The following SRGAP3 variants were observed in gnomAD, a reference collection of about 807,000 sequenced individuals.
SRGAP3 encodes SLIT-ROBO Rho GTPase activating protein 3.
A neutral mutation model predicts 121.1 loss-of-function variants in SRGAP3; 39 were observed. That is an observed-to-expected ratio of 0.32 (90% CI 0.25 to 0.42). The LOEUF (loss-of-function observed/expected upper bound fraction) is 0.42. Among genes scored for constraint, SRGAP3 ranks in the 10% least tolerant of loss-of-function variants. The pLI, the probability that SRGAP3 is intolerant of heterozygous loss-of-function variation, is 1.00. For missense variants in SRGAP3, 1,213 were observed against 1,470.6 expected (o/e 0.82, Z 2.86); for synonymous variants, 601 against 570.0 (o/e 1.05, Z -0.77).
intron 3 of SRGAP3, among the ~76,000 whole-genome samples, chr3:9,311,944 T>C (rs1428074533): frequency 6.6e-6 from 1 of 152,356 alleles, no homozygotes; most frequent in South Asian, 2.1e-4. Context: ...CTAAAGTAAT[T>C]TACATGAGTG....
chr3:9,314,888 T>C (rs2125279955), intron 3 of SRGAP3, among the ~76,000 whole-genome samples: 1 of 151,896 alleles, frequency 6.6e-6, no homozygotes, highest in East Asian at 2.0e-4. Flanking sequence ...AGACTTCAGC[T>C]TCATTCTCAG....
At chr3:8,994,322 A>C in intron 19 of SRGAP3, 21 bp downstream of exon 19, 1 of 1,613,688 alleles carries the variant, frequency 6.2e-7, no homozygotes, top group South Asian at 1.1e-5. Flanking sequence ...CATTCTTCAC[A>C]GAATTCTCGA....
At chr3:9,217,320 T>C (rs1952669664) in intron 1 of SRGAP3, 1 of 152,160 alleles carries the variant, frequency 6.6e-6, no homozygotes, top group South Asian at 2.1e-4. Flanking sequence ...CTGTGAGAAA[T>C]TTAACTACTT....
At chr3:9,095,383 C>T (rs1947927546) in intron 3 of SRGAP3, among the ~76,000 whole-genome samples, 2 of 152,078 alleles carry the variant, frequency 1.3e-5, no homozygotes, top group African/African-American at 4.8e-5. Flanking sequence ...TAAATGTAAT[C>T]TACATTGTCT....
chr3:9,111,527 G>A (rs1948622428), intron 2 of SRGAP3, among the ~76,000 whole-genome samples: 1 of 152,204 alleles, frequency 6.6e-6, no homozygotes, highest in Non-Finnish European at 1.5e-5. Flanking sequence ...TGAAGAGTGA[G>A]GCTGGAGGGG....
chr3:9,256,003 G>C (rs74388102), intron 3 of SRGAP3, among the ~76,000 whole-genome samples: 1 of 152,070 alleles, frequency 6.6e-6, no homozygotes, highest in Non-Finnish European at 1.5e-5. Flanking sequence ...ACCTGACCCT[G>C]CATCTGGTGT....
intron 2 of SRGAP3, among the ~76,000 whole-genome samples, chr3:9,119,384 T>C (rs1948921996): frequency 6.6e-6 from 1 of 152,158 alleles, no homozygotes; most frequent in Admixed American, 6.5e-5. Context: ...CTTTTAAACA[T>C]ATAAATCACA....
chr3:9,202,995 G>A (rs1952120945), intron 1 of SRGAP3, among the ~76,000 whole-genome samples: 1 of 152,214 alleles, frequency 6.6e-6, no homozygotes, highest in African/African-American at 2.4e-5. Context: ...CCTAGCTTCA[G>A]CAACCCTTGT....
At chr3:9,167,560 C>T (rs554117487) in intron 1 of SRGAP3, among the ~76,000 whole-genome samples, 10 of 152,304 alleles carry the variant, frequency 6.6e-5, no homozygotes, top group African/African-American at 1.9e-4. Context: ...CTGCTGTCAA[C>T]GCCTAGGGGG....
At chr3:9,234,851 G>C (rs945189879) in intron 1 of SRGAP3, among the ~76,000 whole-genome samples, 3 of 152,190 alleles carry the variant, frequency 2.0e-5, no homozygotes, top group Non-Finnish European at 2.9e-5. Context: ...AGGGTCTCCA[G>C]CTGCTGAAGA....
At chr3:9,102,400 G>C (rs900348532) in intron 3 of SRGAP3, among the ~76,000 whole-genome samples, 1 of 152,166 alleles carries the variant, frequency 6.6e-6, no homozygotes, top group Non-Finnish European at 1.5e-5. Flanking sequence ...TAATGACAAG[G>C]GGCCCAAAGC....
intron 14 of SRGAP3, 128 bp from the exon 15 acceptor site, chr3:9,015,859 CAT>C: frequency 2.0e-6 from 2 of 1,020,798 alleles, no homozygotes; most frequent in South Asian, 1.3e-5. Context: ...GTCTCCCCCA[CAT>C]ATGAGGCCCC....
intron 1 of SRGAP3, among the ~76,000 whole-genome samples, chr3:9,185,100 T>G (rs924029734): frequency 7.2e-5 from 11 of 152,104 alleles, no homozygotes; most frequent in African/African-American, 2.7e-4. Context: ...ATTATTAGAG[T>G]CTTCGGTCTT....
intron 18 of SRGAP3, among the ~76,000 whole-genome samples, chr3:8,995,347 G>A (rs1005688840): frequency 3.3e-5 from 5 of 152,108 alleles, no homozygotes; most frequent in East Asian, 1.9e-4. Flanking sequence ...GTGGTAGCAC[G>A]TGCCTGTGGT....
chr3:9,219,205 A>G (rs1952724831), intron 1 of SRGAP3: 1 of 152,090 alleles, frequency 6.6e-6, no homozygotes, highest in African/African-American at 2.4e-5. Flanking sequence ...GTATTGTTCT[A>G]AAGGAGAGAG....
rs373243630 is a variant in SRGAP3, at chr3:9,249,060, G to T, written c.-109C>A. On this transcript the variant is annotated 5_prime_UTR_variant, in exon 1 of 22. Transcript: ENST00000383836. ...CACACAGCTCTGGTCGATTTCACAG[G>T]TTTAGGGACTAATCTCTTTCACTTG... is the stretch of plus-strand genomic sequence containing the variant. 26 of 1,062,288 alleles carry T rather than the reference G, an allele frequency of 2.4e-5. No individual in the cohort carries two copies. In the Admixed American group the frequency reaches 2.9e-4, roughly 12 times the overall value. The allele number at this position is 1,062,288 out of a possible 1,614,324, so 65.8% of individuals were successfully genotyped here.
At chr3:9,292,932 A>G (rs1471160726) in intron 3 of SRGAP3, 1 of 152,072 alleles carries the variant, frequency 6.6e-6, no homozygotes, top group African/African-American at 2.4e-5. Flanking sequence ...TTGTCCCTTA[A>G]GAGTACAATG....
chr3:9,044,237 G>C (rs1403256855), intron 10 of SRGAP3, among the ~76,000 whole-genome samples: 1 of 152,182 alleles, frequency 6.6e-6, no homozygotes, highest in African/African-American at 2.4e-5. Flanking sequence ...CTTATCTGTG[G>C]GGAATATGTT....
chr3:9,299,051 C>CAAAAAAAAA (rs71049787), intron 3 of SRGAP3, among the ~76,000 whole-genome samples: 2 of 70,390 alleles, frequency 2.8e-5, no homozygotes, highest in Non-Finnish European at 5.1e-5. Flanking sequence ...GACTCCATCT[C>CAAAAAAAAA]AAAAAAAAAA....
Sources: allele counts gnomAD v4.1 joint callset (sites outside exome capture counted in the v4.1 genomes callset), GRCh38; gene constraint gnomAD v4.1.1; transcripts MANE v1.5; gene names NCBI Gene and HGNC (gene_info 2026-07-23, HGNC 2026-07-21).